PCDH15: variants seen among roughly 807,000 people sequenced by gnomAD.
PCDH15 encodes protocadherin related 15.
In PCDH15, 129 loss-of-function variants were observed where a neutral mutation model predicts 178.5. That is an observed-to-expected ratio of 0.72 (90% confidence interval 0.63 to 0.84). The LOEUF (loss-of-function observed/expected upper bound fraction) is 0.84. Ranked by LOEUF, PCDH15 falls within the 40% of genes least tolerant of loss-of-function variation. The pLI is 0.00. For synonymous variants in PCDH15, 800 were observed against 732.0 expected, an observed-to-expected ratio of 1.09 and a Z score of -1.50; for missense variants, 2,230 against 2,099.9, an observed-to-expected ratio of 1.06 and a Z score of -1.21.
At chr10:54,289,211 G>A (rs573496806) in intron 8 of PCDH15, among the ~76,000 whole-genome samples, 1 of 152,168 alleles carries the variant, frequency 6.6e-6, no homozygotes, top group African/African-American at 2.4e-5. Flanking sequence ...GCCTCCACTG[G>A]TGATACCTAG....
intron 1 of PCDH15, among the ~76,000 whole-genome samples, chr10:55,225,200 T>C (rs905733534): frequency 6.6e-6 from 1 of 151,880 alleles, no homozygotes; most frequent in Admixed American, 6.6e-5. Flanking sequence ...ACGTAACAAA[T>C]AAATGAACAA....
At chr10:53,930,396 T>C (rs922079758) in intron 25 of PCDH15, among the ~76,000 whole-genome samples, 2 of 132,938 alleles carry the variant, frequency 1.5e-5, no homozygotes, top group East Asian at 4.5e-4. Flanking sequence ...AGGCGGAGCT[T>C]GCAACGAGCT....
At chr10:54,028,353 G>A (rs1289692491) in intron 18 of PCDH15, among the ~76,000 whole-genome samples, 2 of 148,460 alleles carry the variant, frequency 1.3e-5, no homozygotes, top group Non-Finnish European at 3.0e-5. Context: ...CTGTAAACTA[G>A]TTCAACCATT....
chr10:54,008,458 A>G (rs537126256), intron 20 of PCDH15, among the ~76,000 whole-genome samples: 5 of 152,298 alleles, frequency 3.3e-5, no homozygotes, highest in Admixed American at 3.3e-4. Flanking sequence ...TGAGGCCCAG[A>G]TACAGAATGA....
intron 8 of PCDH15, among the ~76,000 whole-genome samples, chr10:54,292,718 T>C (rs1353793423): frequency 2.6e-5 from 4 of 152,108 alleles, no homozygotes; most frequent in East Asian, 3.9e-4. Context: ...CCATTCACAA[T>C]TGCTACAAGG....
intron 3 of PCDH15, among the ~76,000 whole-genome samples, chr10:54,392,578 G>A (rs555538246): frequency 6.0e-5 from 9 of 149,210 alleles, no homozygotes; most frequent in Non-Finnish European, 8.9e-5. Flanking sequence ...TATTTATAAC[G>A]TTACATAATT....
chr10:53,951,640 T>C (rs1376160123), intron 23 of PCDH15, among the ~76,000 whole-genome samples: 2 of 152,222 alleles, frequency 1.3e-5, no homozygotes, highest in Non-Finnish European at 1.5e-5. Flanking sequence ...TACAAACGTT[T>C]GTTTACAGTT....
intron 2 of PCDH15, among the ~76,000 whole-genome samples, chr10:54,630,535 A>C (rs1023564288): frequency 6.6e-6 from 1 of 152,118 alleles, no homozygotes; most frequent in South Asian, 2.1e-4. Context: ...AAGACCTAAA[A>C]CTATAAAAGT....
intron 2 of PCDH15, chr10:54,607,922 T>C (rs1174051218): frequency 5.8e-6 from 3 of 515,794 alleles, no homozygotes; most frequent in Non-Finnish European, 1.2e-5. Context: ...TTGAAAGTAA[T>C]GTCAAAAACT....
intron 15 of PCDH15, among the ~76,000 whole-genome samples, chr10:54,106,405 G>A (rs754707191): frequency 6.6e-6 from 1 of 152,142 alleles, no homozygotes; most frequent in African/African-American, 2.4e-5. Flanking sequence ...TGAGCTTCTT[G>A]TGGCTTACAG....
At chr10:54,311,483 A>G (rs989102598) in intron 8 of PCDH15, among the ~76,000 whole-genome samples, 2 of 152,062 alleles carry the variant, frequency 1.3e-5, no homozygotes, top group Non-Finnish European at 2.9e-5. Context: ...TCATAATACC[A>G]GAAAACCTTA....
At chr10:54,233,054 C>G (rs928997826) in intron 9 of PCDH15, among the ~76,000 whole-genome samples, 1 of 151,752 alleles carries the variant, frequency 6.6e-6, no homozygotes, top group African/African-American at 2.4e-5. Flanking sequence ...GGTGATTCTC[C>G]CACCTTAGCC....
At chr10:54,318,486 T>C (rs1439691801) in intron 7 of PCDH15, among the ~76,000 whole-genome samples, 1 of 152,164 alleles carries the variant, frequency 6.6e-6, no homozygotes. Flanking sequence ...TCTAGTGCAA[T>C]TTTGCTGTAG....
intron 1 of PCDH15, among the ~76,000 whole-genome samples, chr10:54,773,166 G>A (rs1949294751): frequency 6.6e-6 from 1 of 152,054 alleles, no homozygotes; most frequent in Admixed American, 6.5e-5. Context: ...CCTAGGTGAT[G>A]GTATGCATCT....
intron 1 of PCDH15, among the ~76,000 whole-genome samples, chr10:54,793,356 G>A (rs550083449): frequency 1.3e-5 from 2 of 151,936 alleles, no homozygotes; most frequent in South Asian, 4.1e-4. Context: ...CCACCCAGAG[G>A]CAATGAGGCA....
At chr10:55,181,766 AT>A (rs1231626251) in intron 1 of PCDH15, among the ~76,000 whole-genome samples, 1 of 151,980 alleles carries the variant, frequency 6.6e-6, no homozygotes, top group African/African-American at 2.4e-5. Context: ...TGATTTTCTG[AT>A]TTTTAAAAGC....
chr10:54,824,748 AATGC>A (rs1953098195), intron 3 of PCDH15, among the ~76,000 whole-genome samples: 1 of 152,006 alleles, frequency 6.6e-6, no homozygotes, highest in Non-Finnish European at 1.5e-5. Flanking sequence ...GCTCAGAGGA[AATGC>A]ATAGGGAGGA....
intron 2 of PCDH15, among the ~76,000 whole-genome samples, chr10:54,620,827 A>C (rs140436275): frequency 3.9e-5 from 6 of 152,190 alleles, no homozygotes; most frequent in African/African-American, 1.4e-4. Flanking sequence ...TCTAAGGGAC[A>C]TATTATCCAT....
At chr10:54,143,547 T>C (rs1022558196) in intron 14 of PCDH15, among the ~76,000 whole-genome samples, 2 of 152,130 alleles carry the variant, frequency 1.3e-5, no homozygotes, top group East Asian at 3.9e-4. Flanking sequence ...AGGGCACTAA[T>C]TGAAAGGCTG....
Sources: allele counts gnomAD v4.1 joint callset (sites outside exome capture counted in the v4.1 genomes callset), GRCh38; gene constraint gnomAD v4.1.1; transcripts MANE v1.5; gene names NCBI Gene and HGNC (gene_info 2026-07-23, HGNC 2026-07-21).